MMP28: variants seen among roughly 807,000 people sequenced by gnomAD.
MMP28 encodes the protein matrix metalloproteinase-28.
A neutral mutation model predicts 60.5 loss-of-function variants in MMP28; 55 were observed. The ratio of observed to expected loss-of-function variants is 0.91; its 90% confidence interval spans 0.73 to 1.14. The LOEUF (loss-of-function observed/expected upper bound fraction) is 1.14. Ranked by LOEUF, MMP28 falls within the 50% of genes most tolerant of loss-of-function variation. MMP28 has a pLI of 0.00. For synonymous variants in MMP28, 318 were observed against 312.5 expected (o/e 1.02, Z -0.18); for missense variants, 686 against 738.3 (o/e 0.93, Z 0.82).
At chr17:35,791,836 C>G (rs187488322) in intron 1 of MMP28, among the ~76,000 whole-genome samples, 1 of 152,184 alleles carries the variant, frequency 6.6e-6, no homozygotes, top group Non-Finnish European at 1.5e-5. Flanking sequence ...TCACCCTACA[C>G]GTGCTAGCAC....
intron 1 of MMP28, among the ~76,000 whole-genome samples, chr17:35,794,837 C>T (rs1379407378): frequency 6.6e-6 from 1 of 152,192 alleles, no homozygotes. Flanking sequence ...GGTCCCCGGC[C>T]AGGAAGCCAG....
At chr17:35,784,079 A>T (rs2086581026) in intron 1 of MMP28, among the ~76,000 whole-genome samples, 1 of 152,156 alleles carries the variant, frequency 6.6e-6, no homozygotes, top group Non-Finnish European at 1.5e-5. Flanking sequence ...GCAGGAGTTC[A>T]AGGCCAGCCT....
chr17:35,794,367 TC>T (rs1424946638), intron 1 of MMP28, among the ~76,000 whole-genome samples: 1 of 149,966 alleles, frequency 6.7e-6, no homozygotes, highest in East Asian at 2.1e-4. Context: ...TATCTCAGCC[TC>T]CCGAGTAGCT....
At chr17:35,784,567 G>A (rs891539446) in intron 1 of MMP28, among the ~76,000 whole-genome samples, 16 of 152,060 alleles carry the variant, frequency 1.1e-4, no homozygotes, top group African/African-American at 3.9e-4. Flanking sequence ...CTCCTGCAAA[G>A]GTAAGAGAAA....
chr17:35,779,004 C>A lies in MMP28; in HGVS notation c.263G>T (p.Arg88Leu). 1 of 1,614,040 alleles carries A rather than the reference C, an allele frequency of 6.2e-7. No individual in the cohort carries two copies. ...GGTATCTGTAACCCCGCAGCGGGGA[C>A]GAGTCATCTGGCGCAGGGTGGCGCG... ...LDRATLRQMT[R>L]PRCGVTDTNS... is the part of the protein sequence containing the mutation. The change falls in exon 3 of 8, where the codon CGT (arginine) becomes CTT (leucine). Residue 88 changes from arginine (R) to leucine (L), a missense_variant. Transcript: ENST00000605424.
At position 35,771,696 on chromosome 17, in the gene MMP28, AATATATAT is replaced by A. The variant is rs71366482; in HGVS notation, c.605-1392_605-1385del. Among the ~76,000 whole-genome samples, 418 of 50,262 alleles carry A rather than the reference AATATATAT, an allele frequency of 8.3e-3. 4 individuals carry two copies. Among genetic ancestry groups the A allele is most frequent in the Admixed American group, 9.3e-3 (42 of 4,532 alleles). 33.0% of individuals were successfully genotyped at this position (50,262 alleles called of 152,430 possible). On this transcript the variant is annotated intron_variant, in intron 4 of 7. Coordinates refer to ENST00000605424, the MANE Select transcript of MMP28 (RefSeq NM_024302.5). ...GAAAATATACATACATATAGAAGTG[AATATATAT>A]ATATATATATATATATATATATATA...
At chr17:35,758,432 C>CT (rs1485956891) in intron 2 of MMP28, 1 of 152,238 alleles carries the variant, frequency 6.6e-6, no homozygotes, top group African/African-American at 2.4e-5. Flanking sequence ...TGGCTCACAC[C>CT]TGTAGTCCCA....
At chr17:35,775,102 C>T (rs1212048271) in intron 3 of MMP28, among the ~76,000 whole-genome samples, 2 of 152,114 alleles carry the variant, frequency 1.3e-5, no homozygotes, top group Non-Finnish European at 2.9e-5. Flanking sequence ...GGTGACAGGT[C>T]TCAGAATAAA....
chr17:35,775,234 C>T (rs947913517), intron 3 of MMP28, among the ~76,000 whole-genome samples: 8 of 152,110 alleles, frequency 5.3e-5, no homozygotes, highest in African/African-American at 9.7e-5. Context: ...GAGGGGGTGT[C>T]GCTGGTGTGC....
intron 1 of MMP28, among the ~76,000 whole-genome samples, chr17:35,786,697 T>TAAAAAAAAAAAAAAAAAAAAA (rs1406141593): frequency 1.2e-5 from 1 of 80,124 alleles, no homozygotes; most frequent in African/African-American, 8.8e-5. Context: ...ATCCTGTCTC[T>TAAAAAAAAAAAAAAAAAAAAA]ACAAAAAAAA....
At chr17:35,783,797 C>G (rs770524717) in intron 1 of MMP28, among the ~76,000 whole-genome samples, 1 of 151,858 alleles carries the variant, frequency 6.6e-6, no homozygotes, top group South Asian at 2.1e-4. Context: ...GGGTGAGGGC[C>G]TTTTTCAGGG....
At chr17:35,774,937 G>T (rs763533979) in intron 3 of MMP28, among the ~76,000 whole-genome samples, 1 of 152,122 alleles carries the variant, frequency 6.6e-6, no homozygotes, top group Non-Finnish European at 1.5e-5. Flanking sequence ...TGTGGGGGAC[G>T]GTCTCCCAGG....
At chr17:35,780,530 C>G (rs2086467192) in intron 1 of MMP28, among the ~76,000 whole-genome samples, 1 of 151,944 alleles carries the variant, frequency 6.6e-6, no homozygotes, top group Non-Finnish European at 1.5e-5. Context: ...CTGCTAGGTA[C>G]AATAAAAAAT....
At chr17:35,770,035 G>T in intron 5 of MMP28, 32 bp downstream of exon 5, 2 of 1,515,532 alleles carry the variant, frequency 1.3e-6, no homozygotes, top group Non-Finnish European at 1.8e-6. Context: ...GCAGGAGTGG[G>T]ACCAAGAGCG....
downstream of MMP28, among the ~76,000 whole-genome samples, chr17:35,765,455 C>T (rs1598412054): frequency 1.3e-5 from 2 of 152,302 alleles, no homozygotes; most frequent in Middle Eastern, 3.4e-3. Flanking sequence ...GGCTGGGGAG[C>T]TGGTTCCTTC....
intron 5 of MMP28, among the ~76,000 whole-genome samples, chr17:35,768,631 GA>G (rs1555604412): frequency 6.6e-6 from 1 of 152,102 alleles, no homozygotes; most frequent in Non-Finnish European, 1.5e-5. Flanking sequence ...TGCCAATGGT[GA>G]AACCCTGTCT....
chr17:35,781,882 TG>T (rs1194108407), intron 1 of MMP28, among the ~76,000 whole-genome samples: 2 of 151,940 alleles, frequency 1.3e-5, no homozygotes, highest in Non-Finnish European at 2.9e-5. Flanking sequence ...GTTTTAGAGA[TG>T]GGGGTCTCAC....
intron 1 of MMP28, among the ~76,000 whole-genome samples, chr17:35,784,337 C>T (rs1434261523): frequency 6.6e-6 from 1 of 151,052 alleles, no homozygotes; most frequent in African/African-American, 2.4e-5. Flanking sequence ...GATTTATGGG[C>T]TCCCTTATAC....
At chr17:35,767,728 TC>T (rs757379514) in intron 7 of MMP28, 23 bp downstream of exon 7, 30 of 1,550,882 alleles carry the variant, frequency 1.9e-5, no homozygotes, top group Non-Finnish European at 2.5e-5. Context: ...GGCTCAGTTT[TC>T]CCCGCTGCCC....
Sources: gnomAD v4.1 joint callset for allele counts (sites outside exome capture counted in the v4.1 genomes callset) on GRCh38, gnomAD v4.1.1 for gene constraint, MANE v1.5 for transcripts, NCBI Gene and HGNC (gene_info 2026-07-23, HGNC 2026-07-21) for gene names.